CFAP221: variants seen among roughly 807,000 people sequenced by gnomAD.
CFAP221 encodes cilia- and flagella-associated protein 221.
In CFAP221, 97 loss-of-function variants were observed where a neutral mutation model predicts 113.1. That is an observed-to-expected ratio of 0.86 (90% CI 0.73 to 1.02). CFAP221 has a LOEUF of 1.02. Among genes scored for constraint, CFAP221 ranks in the 50% least tolerant of loss-of-function variants. The pLI is 0.00. For missense variants in CFAP221, 1,025 were observed against 1,013.4 expected (o/e 1.01, Z -0.16); for synonymous variants, 331 against 354.4 (o/e 0.93, Z 0.74).
intron 21 of CFAP221, 105 bp downstream of exon 21, chr2:119,639,977 T>C (rs1687383374): frequency 2.1e-6 from 2 of 957,310 alleles, no homozygotes; most frequent in Non-Finnish European, 3.2e-6. Context: ...ACCATACTTT[T>C]AAAGCATGAG....
At chr2:119,612,263 C>G (rs898694186) in intron 13 of CFAP221, among the ~76,000 whole-genome samples, 1 of 152,156 alleles carries the variant, frequency 6.6e-6, no homozygotes, top group Admixed American at 6.5e-5. Flanking sequence ...AGTTCATTGT[C>G]ACACTGCTAT....
intron 7 of CFAP221, among the ~76,000 whole-genome samples, chr2:119,597,268 T>C (rs1343440633): frequency 6.6e-6 from 1 of 152,140 alleles, no homozygotes; most frequent in Admixed American, 6.5e-5. Context: ...ACACAATTCA[T>C]GTATAATCAA....
Position 119,608,557 on chromosome 2 carries a change from G to A in CFAP221, c.1189G>A (p.Glu397Lys), listed in dbSNP as rs1684936945. The A allele has an allele frequency of 1.9e-6, 3 of 1,613,172 alleles. No homozygotes were observed. The highest frequency in any genetic ancestry group is 1.3e-5 in the African/African-American group (1 of 74,788). The change falls in exon 12 of 24, where the codon GAA (glutamate) becomes AAA (lysine). Residue 397 changes from glutamate to lysine, a missense_variant. Transcript: ENST00000413369. ...TTTTAAACTTAAAAAAGAGCTTACT[G>A]AAGAGTGGCAAAAAGCATGTGCCAA... ...MSFKLKKELTEEWQKACAKYK... is the reference protein window; with the variant it reads ...MSFKLKKELTKEWQKACAKYK...
intron 5 of CFAP221, among the ~76,000 whole-genome samples, chr2:119,561,184 G>A (rs1318508740): frequency 1.3e-5 from 2 of 152,088 alleles, no homozygotes; most frequent in African/African-American, 2.4e-5. Context: ...CAGCTACTCG[G>A]GAGGCTGAGG....
chr2:119,655,437 A>T (rs1426470731), intron 23 of CFAP221, among the ~76,000 whole-genome samples: 1 of 152,174 alleles, frequency 6.6e-6, no homozygotes, highest in East Asian at 1.9e-4. Context: ...TGCATTAGGG[A>T]ACATCTTAAT....
chr2:119,649,251 G>A (rs1308765522), intron 22 of CFAP221, among the ~76,000 whole-genome samples: 1 of 152,174 alleles, frequency 6.6e-6, no homozygotes, highest in Non-Finnish European at 1.5e-5. Flanking sequence ...TTACAGTGGT[G>A]TGAAAGTGAT....
At chr2:119,597,698 G>A (rs919115557) in intron 7 of CFAP221, among the ~76,000 whole-genome samples, 1 of 152,154 alleles carries the variant, frequency 6.6e-6, no homozygotes. Context: ...GAGCCGGTGA[G>A]CATAGGGCCT....
At chr2:119,650,222 A>G (rs1235888471) in intron 22 of CFAP221, among the ~76,000 whole-genome samples, 1 of 152,272 alleles carries the variant, frequency 6.6e-6, no homozygotes, top group East Asian at 1.9e-4. Context: ...TAAGTAATCA[A>G]TTAGTGGAAC....
rs776104763 is a variant in CFAP221 at position 119,630,589 on chromosome 2, T to G, written c.1751T>G (p.Ile584Ser). 2 of 1,612,206 alleles carry G rather than the reference T, an allele frequency of 1.2e-6. No homozygotes were observed. The highest frequency in any genetic ancestry group is 3.3e-5 in the Admixed American group (2 of 60,024). Residue 584 changes from isoleucine (I) to serine (S), a missense_variant, in exon 18 of 24, where the codon ATT becomes AGT. Physicochemically the swap from Ile to Ser is moderately radical, Grantham distance 142 (BLOSUM62 -2). Transcript: ENST00000413369. ...CTTCAGGTTCCTCAACTGTACAAAA[T>G]TAAGAGATATCAGCCATTCTCTGTC... ...FNLQVPQLYKIKRYQPFSVHK... is the reference protein window; with the variant it reads ...FNLQVPQLYKSKRYQPFSVHK...
At chr2:119,546,009 G>C (rs1476476050) in intron 1 of CFAP221, 76 bp from the exon 2 acceptor site, 10 of 1,074,678 alleles carry the variant, frequency 9.3e-6, no homozygotes, top group Non-Finnish European at 1.3e-5. Context: ...CAGAGACGAG[G>C]TACATTTATC....
Position 119,581,045 on chromosome 2 carries a change from C to A in CFAP221, c.528-6074C>A, listed in dbSNP as rs62159811. 4.8e-3 allele frequency: 729 copies of A among 152,352 alleles called. 2 individuals carry two copies. The highest frequency in any genetic ancestry group is 8.6e-3 in the Non-Finnish European group (587 of 68,026). 9.4% of individuals were successfully genotyped at this position (152,352 alleles called of 1,614,324 possible). ...AGAGGTGAGCCATGTTACCTGCTGG[C>A]CCAGTGACTGAGTTCACTGTAGCAC... is the stretch of plus-strand genomic sequence containing the variant. On this transcript the variant is annotated intron_variant, in intron 6 of 23. Coordinates refer to ENST00000413369, the MANE Select transcript of CFAP221 (RefSeq NM_001271049.2).
chr2:119,589,896 CTG>C (rs991255861), intron 7 of CFAP221: 38 of 152,158 alleles, frequency 2.5e-4, no homozygotes, highest in African/African-American at 8.2e-4. Flanking sequence ...CAAGAACACT[CTG>C]TTGATAATTT....
chr2:119,654,538 G>A lies in CFAP221; in HGVS notation c.2415-1824G>A, dbSNP rs1432433859. Among the ~76,000 whole-genome samples the A allele has an allele frequency of 5.9e-5, 9 of 152,066 alleles. No individual in the cohort carries two copies. In the South Asian group the frequency reaches 1.9e-3, roughly 32 times the overall value. On this transcript the variant is annotated intron_variant, in intron 23 of 23. Coordinates refer to ENST00000413369, the MANE Select transcript of CFAP221 (RefSeq NM_001271049.2). Reference sequence around the variant, plus strand: ...TCACTCTTCATACCATGGAGCTAATGTTGAATGGCATTTGGTTATCAAATT... The same window carrying A: ...TCACTCTTCATACCATGGAGCTAATATTGAATGGCATTTGGTTATCAAATT...
intron 7 of CFAP221, among the ~76,000 whole-genome samples, chr2:119,591,831 G>A (rs1028681260): frequency 2.0e-5 from 3 of 152,158 alleles, no homozygotes; most frequent in African/African-American, 7.2e-5. Flanking sequence ...TCGACAGCAG[G>A]CACTTCTGCG....
intron 5 of CFAP221, among the ~76,000 whole-genome samples, chr2:119,561,076 G>A (rs1178081087): frequency 6.6e-6 from 1 of 152,062 alleles, no homozygotes; most frequent in East Asian, 1.9e-4. Context: ...ATCACCTGAG[G>A]TCAGGAGTTT....
intron 6 of CFAP221, among the ~76,000 whole-genome samples, chr2:119,575,104 AGTGTGTGG>A (rs1682345776): frequency 6.6e-6 from 1 of 152,190 alleles, no homozygotes; most frequent in Non-Finnish European, 1.5e-5. Context: ...GAAGATGGTC[AGTGTGTGG>A]TTTCTTCTGC....
intron 22 of CFAP221, among the ~76,000 whole-genome samples, chr2:119,649,796 T>G (rs990418874): frequency 3.9e-5 from 6 of 152,300 alleles, no homozygotes; most frequent in African/African-American, 1.4e-4. Context: ...TGTTGCATTC[T>G]CAGTACATCC....
In CFAP221 at chr2:119,638,272, G is replaced by T; in HGVS notation, c.1988G>T (p.Gly663Val). The change falls in exon 20 of 24, where the codon GGA (glycine) becomes GTA (valine). Residue 663 changes from glycine (G) to valine (V), a missense_variant. Coordinates refer to ENST00000413369, the MANE Select transcript of CFAP221 (RefSeq NM_001271049.2). ...DPLYVFNPNP[G>V]LFAVMHPLTY... ...TGTCTTCGGCAGAATCCCAACCCAGGATTATTTGCTGTAATGCATCCTCTG... is the reference window on the plus strand; with the variant it reads ...TGTCTTCGGCAGAATCCCAACCCAGTATTATTTGCTGTAATGCATCCTCTG... The T allele has an allele frequency of 1.2e-6, 2 of 1,614,052 alleles. No individual in the cohort carries two copies. Among genetic ancestry groups the T allele is most frequent in the Non-Finnish European group, 1.7e-6 (2 of 1,179,980 alleles).
At chr2:119,651,308 T>A (rs531608996) in intron 22 of CFAP221, among the ~76,000 whole-genome samples, 1 of 152,096 alleles carries the variant, frequency 6.6e-6, no homozygotes, top group Non-Finnish European at 1.5e-5. Flanking sequence ...TATTTGTAAA[T>A]AAAGCATTAT....
Sources: gnomAD v4.1 joint callset for allele counts (sites outside exome capture counted in the v4.1 genomes callset) on GRCh38, gnomAD v4.1.1 for gene constraint, MANE v1.5 for transcripts, NCBI Gene and HGNC (gene_info 2026-07-23, HGNC 2026-07-21) for gene names.